Variants in PLEKHG3 observed in about 807,000 individuals in gnomAD.
The protein encoded by PLEKHG3 is pleckstrin homology and RhoGEF domain containing G3.
A neutral mutation model predicts 94.9 loss-of-function variants in PLEKHG3; 62 were observed. That is an observed-to-expected ratio of 0.65 (90% CI 0.53 to 0.81). PLEKHG3 has a LOEUF of 0.81. Among genes scored for constraint, PLEKHG3 ranks in the 30% least tolerant of loss-of-function variants. The pLI is 0.00. For synonymous variants in PLEKHG3, 614 were observed against 654.0 expected (o/e 0.94, Z 0.93); for missense variants, 1,461 against 1,619.3 (o/e 0.90, Z 1.68).
In PLEKHG3 at chr14:64,732,880, C is replaced by T. The variant is rs141632916; in HGVS notation, c.1324C>T (p.Arg442Cys). The change falls in exon 12 of 17, where the codon CGC becomes TGC. Residue 442 changes from arginine (R) to cysteine (C), a missense_variant. Transcript: ENST00000247226. This position sits in a 1 kb window ranked among gnomAD's most constrained non-coding sequence, Gnocchi z 4.9. ...CCAGGATGAGGTGTCCACCAATGTG[C>T]GCCAGGGGCGCCGGCAATCTGGTAA... ...SSQDEVSTNV[R>C]QGRRQSEPTK... 9.9e-5 allele frequency: 159 copies of T among 1,606,804 alleles called. No individual in the cohort carries two copies. The African/African-American group carries it at 1.5e-3, about 15-fold the overall frequency.
rs917824760 is a variant in PLEKHG3, at chr14:64,726,788, C to T, written c.-39-805C>T. On this transcript the variant is annotated intron_variant, in intron 1 of 16. Coordinates refer to ENST00000247226, the MANE Select transcript of PLEKHG3 (RefSeq NM_001308147.2). The surrounding 1 kb of genome is among the most constrained non-coding windows in gnomAD (Gnocchi z 5.1). Reference sequence around the variant, plus strand: ...TGTACCAGGTGCTGGGGTGGGGCTGCGGAGTCGGGGGATAATGCTGGCTCA... The same window carrying T: ...TGTACCAGGTGCTGGGGTGGGGCTGTGGAGTCGGGGGATAATGCTGGCTCA... Among the ~76,000 whole-genome samples the T allele has an allele frequency of 2.0e-5, 3 of 152,112 alleles. No homozygotes were observed. Among genetic ancestry groups the T allele is most frequent in the African/African-American group, 7.2e-5 (3 of 41,414 alleles).
chr14:64,736,298 T>C (rs1260525147), intron 12 of PLEKHG3, among the ~76,000 whole-genome samples: 3 of 152,204 alleles, frequency 2.0e-5, no homozygotes, highest in Non-Finnish European at 4.4e-5. Context: ...CTGGTCACTC[T>C]CCGTACAGCC....
In PLEKHG3 at chr14:64,727,509, T is replaced by TTCCCCCCCCCCCC; in HGVS notation, c.-39-84_-39-83insTCCCCCCCCCCCC. The TTCCCCCCCCCCCC allele has an allele frequency of 3.0e-6, 1 of 336,208 alleles. No homozygotes were observed. Among genetic ancestry groups the TTCCCCCCCCCCCC allele is most frequent in the Non-Finnish European group, 5.8e-6 (1 of 171,878 alleles). The allele number at this position is 336,208 out of a possible 1,614,324, so 20.8% of individuals were successfully genotyped here. ...CTAAATAATACCTTCCCACCCCACC[T>TTCCCCCCCCCCCC]GCCCCCACCCCTGGCAACCGTCCCT... On this transcript the variant is annotated intron_variant, in intron 1 of 16. Coordinates refer to ENST00000247226, the MANE Select transcript of PLEKHG3 (RefSeq NM_001308147.2). The surrounding 1 kb of genome is among the most constrained non-coding windows in gnomAD (Gnocchi z 6.0).
chr14:64,727,497 TCCC>T lies in PLEKHG3; in HGVS notation c.-39-95_-39-93del. 7.1e-6 allele frequency: 4 copies of T among 560,820 alleles called. No individual in the cohort carries two copies. Among genetic ancestry groups the T allele is most frequent in the Non-Finnish European group, 9.7e-6 (3 of 309,410 alleles). 34.7% of individuals were successfully genotyped at this position (560,820 alleles called of 1,614,324 possible). ...ACTCTGGATGCACTAAATAATACCT[TCCC>T]ACCCCACCTGCCCCCACCCCTGGCA... On this transcript the variant is annotated intron_variant, in intron 1 of 16. Transcript: ENST00000247226. The surrounding 1 kb of genome is among the most constrained non-coding windows in gnomAD (Gnocchi z 6.0).
chr14:64,740,995 GA>G, intron 15 of PLEKHG3, 40 bp from the exon 16 acceptor site: 1 of 1,483,414 alleles, frequency 6.7e-7, no homozygotes, highest in Non-Finnish European at 9.1e-7. Flanking sequence ...TCCCATGAAG[GA>G]GGCTTTTTAC....
chr14:64,730,732 T>A lies in PLEKHG3; in HGVS notation c.566+44T>A. 1 of 1,612,418 alleles carries A rather than the reference T, an allele frequency of 6.2e-7. No homozygotes were observed. The highest frequency in any genetic ancestry group is 8.5e-7 in the Non-Finnish European group (1 of 1,178,554). On this transcript the variant is annotated intron_variant, in intron 5 of 16. Transcript: ENST00000247226. The surrounding 1 kb of genome is among the most constrained non-coding windows in gnomAD (Gnocchi z 5.4). Reference sequence around the variant, plus strand: ...AGGGAAGGCAGAGCCATTTGGTGAGTCCAGAGCCCCCCACTTCCTCATCCA... The same window carrying A: ...AGGGAAGGCAGAGCCATTTGGTGAGACCAGAGCCCCCCACTTCCTCATCCA...
In PLEKHG3 at chr14:64,748,106, A is replaced by G. The variant is rs527315845; in HGVS notation, c.*4403A>G. On this transcript the variant is annotated 3_prime_UTR_variant, in exon 17 of 17. Transcript: ENST00000247226. The stretch of plus-strand genomic sequence containing the variant: ...GCTGATCAAGGGGTACCACACCTTC[A>G]TGGCTCTGGCCCTGACATTTGTCCC... 252 of 152,306 alleles carry G rather than the reference A, an allele frequency of 1.7e-3. 1 individual carries two copies. The highest frequency in any genetic ancestry group is 1.9e-3 in the Non-Finnish European group (131 of 68,070). The allele number at this position is 152,306 out of a possible 1,614,324, so 9.4% of individuals were successfully genotyped here. A position where few individuals can be genotyped will look rare whatever the true frequency, so the allele number is the denominator to read the frequency against.
chr14:64,733,406 G>T (rs1454300033), intron 12 of PLEKHG3, among the ~76,000 whole-genome samples: 1 of 152,048 alleles, frequency 6.6e-6, no homozygotes, highest in Non-Finnish European at 1.5e-5. Context: ...GGCCTCAGGT[G>T]ATCCGCCCGT....
In PLEKHG3 at chr14:64,743,348, G is replaced by C; in HGVS notation, c.3305G>C (p.Ser1102Thr). The C allele has an allele frequency of 6.2e-7, 1 of 1,607,834 alleles. No individual in the cohort carries two copies. The highest frequency in any genetic ancestry group is 1.1e-5 in the South Asian group (1 of 90,752). The change falls in exon 17 of 17, where the codon AGC (serine) becomes ACC (threonine). Residue 1102 changes from serine (S) to threonine (T), a missense_variant. Ser to Thr is a moderately conservative substitution (Grantham distance 58). Around this residue, in one of 3 missense-constraint regions of PLEKHG3, gnomAD observed 1,201 missense variants for 1,295.5 expected, o/e 0.93. Coordinates refer to ENST00000247226, the MANE Select transcript of PLEKHG3 (RefSeq NM_001308147.2). The surrounding 1 kb of genome is among the most constrained non-coding windows in gnomAD (Gnocchi z 7.2). ...AGGGTGGGCCGCTGCCGCAGCCTGA[G>C]CACCAAGAGGGGCCGGGGAGGCGGA... is the stretch of plus-strand genomic sequence containing the variant. ...SGRVGRCRSLSTKRGRGGGEA... is the reference protein window; with the variant it reads ...SGRVGRCRSLTTKRGRGGGEA...
At chr14:64,709,943 G>T (rs890231104) in intron 1 of PLEKHG3, among the ~76,000 whole-genome samples, 4 of 152,146 alleles carry the variant, frequency 2.6e-5, no homozygotes, top group African/African-American at 7.2e-5. Context: ...TGAATGTTCT[G>T]TTCCTGACAG....
At chr14:64,724,613 A>G (rs1211361672) in intron 1 of PLEKHG3, among the ~76,000 whole-genome samples, 2 of 152,210 alleles carry the variant, frequency 1.3e-5, no homozygotes, top group East Asian at 3.9e-4. Flanking sequence ...TAGCAGGCCC[A>G]AAAACTGCCC....
At chr14:64,707,318 T>G (rs2080987624) in intron 1 of PLEKHG3, among the ~76,000 whole-genome samples, 1 of 152,202 alleles carries the variant, frequency 6.6e-6, no homozygotes, top group Non-Finnish European at 1.5e-5. Context: ...CACACCGTCT[T>G]TTCTCATCTC....
rs779277166 is a variant in PLEKHG3 at position 64,750,121 on chromosome 14, G to C, written c.*6418G>C. On this transcript the variant is annotated 3_prime_UTR_variant, in exon 17 of 17. Coordinates refer to ENST00000247226, the MANE Select transcript of PLEKHG3 (RefSeq NM_001308147.2). Reference sequence around the variant, plus strand: ...CATCCTTGTAGAAGGTTAGCTCACTGTTCCTGAGCACACAGTACAGGTTGT... The same window carrying C: ...CATCCTTGTAGAAGGTTAGCTCACTCTTCCTGAGCACACAGTACAGGTTGT... 3.1e-6 allele frequency: 5 copies of C among 1,614,014 alleles called. No individual in the cohort carries two copies. The East Asian group carries it at 8.9e-5, about 29-fold the overall frequency.
Position 64,729,154 on chromosome 14 carries a change from G to GTTCTGCCTGC in PLEKHG3, c.449+61_449+62insTTCTGCCTGC, listed in dbSNP as rs1174714300. On this transcript the variant is annotated intron_variant, in intron 3 of 16. Transcript: ENST00000247226. ...CTGCGAGGCCCACCTCAGGGCCTAGGGAGGAACCCTGGATGTCCCTGGTCT... is the reference window on the plus strand; with the variant it reads ...CTGCGAGGCCCACCTCAGGGCCTAGGTTCTGCCTGCGAGGAACCCTGGATGTCCCTGGTCT... 6 of 730,698 alleles carry GTTCTGCCTGC rather than the reference G, an allele frequency of 8.2e-6. No individual in the cohort carries two copies. The African/African-American group carries it at 1.1e-4, about 13-fold the overall frequency. 45.3% of individuals were successfully genotyped at this position (730,698 alleles called of 1,614,324 possible).
At chr14:64,729,302 T>C (rs950589953) in intron 3 of PLEKHG3, among the ~76,000 whole-genome samples, 1 of 152,180 alleles carries the variant, frequency 6.6e-6, no homozygotes, top group African/African-American at 2.4e-5. Context: ...TTTGAGGTTG[T>C]GTGCATGTTG....
intron 1 of PLEKHG3, among the ~76,000 whole-genome samples, chr14:64,705,384 G>A (rs952619477): frequency 2.6e-5 from 4 of 152,352 alleles, no homozygotes; most frequent in African/African-American, 9.6e-5. Context: ...ACTCTTCGGG[G>A]CGCCTTTGGA....
chr14:64,737,580 C>T (rs921227141), intron 14 of PLEKHG3, among the ~76,000 whole-genome samples: 2 of 152,244 alleles, frequency 1.3e-5, no homozygotes, highest in Non-Finnish European at 2.9e-5. Flanking sequence ...CACCCTCTGC[C>T]TAGAACAGCA....
chr14:64,715,853 A>T lies in PLEKHG3; in HGVS notation c.-40+11149A>T. ...TTTCCTGGGCTAGGGCCCCCCAGCA[A>T]TCAGGAATGAGAGAAATGCAGAAAG... On this transcript the variant is annotated intron_variant, in intron 1 of 16. Transcript: ENST00000247226. This position sits in a 1 kb window ranked among gnomAD's most constrained non-coding sequence, Gnocchi z 4.4. 1 of 343,502 alleles carries T rather than the reference A, an allele frequency of 2.9e-6. No individual in the cohort carries two copies. The highest frequency in any genetic ancestry group is 2.1e-5 in the South Asian group (1 of 48,022). 21.3% of individuals were successfully genotyped at this position (343,502 alleles called of 1,614,324 possible).
At position 64,741,500 on chromosome 14, in the gene PLEKHG3, C is replaced by T. The variant is rs768982388; in HGVS notation, c.1983C>T (p.Leu661=). ...GGCATGGCAGTGCCACAGACTCCCT[C>T]AGCTGTCAGCTCTCCCCAGAAGTGG... ...LARHGSATDS[L]SCQLSPEVDI... Residue 661 remains leucine (L), a synonymous_variant, in exon 16 of 17, where the codon CTC becomes CTT. Transcript: ENST00000247226. The T allele has an allele frequency of 1.2e-6, 2 of 1,612,778 alleles. No homozygotes were observed. Among genetic ancestry groups the T allele is most frequent in the African/African-American group, 2.7e-5 (2 of 74,926 alleles).
Sources: gnomAD v4.1 joint callset for allele counts (sites outside exome capture counted in the v4.1 genomes callset) on GRCh38, gnomAD v4.1.1 for gene constraint, gnomAD v4.1.1 regional missense constraint, Gnocchi (gnomAD v3.1) non-coding constraint, MANE v1.5 for transcripts, NCBI Gene and HGNC (gene_info 2026-07-23, HGNC 2026-07-21) for gene names.